The following MYO3A variants were observed in gnomAD, a reference collection of about 807,000 sequenced individuals.
MYO3A encodes myosin-IIIa.
A neutral mutation model predicts 192.7 loss-of-function variants in MYO3A; 180 were observed. That is an observed-to-expected ratio of 0.93 (90% confidence interval 0.83 to 1.06). The LOEUF (loss-of-function observed/expected upper bound fraction) is 1.06, where lower values mean the gene tolerates loss of function less well. Ranked by LOEUF, MYO3A falls within the 50% of genes least tolerant of loss-of-function variation. The pLI is 0.00. For synonymous variants in MYO3A, 628 were observed against 645.3 expected (o/e 0.97, Z 0.41); for missense variants, 1,896 against 1,905.0 (o/e 1.00, Z 0.09).
At chr10:26,041,943 C>T (rs1315916573) in intron 10 of MYO3A, among the ~76,000 whole-genome samples, 1 of 152,090 alleles carries the variant, frequency 6.6e-6, no homozygotes, top group Admixed American at 6.6e-5. Context: ...TTTCTTATTG[C>T]TCATTAAAAT....
chr10:25,947,389 CTTTTTTTTTTTTT>C (rs869281200), intron 2 of MYO3A, among the ~76,000 whole-genome samples: 1 of 91,866 alleles, frequency 1.1e-5, no homozygotes, highest in East Asian at 3.3e-4. Flanking sequence ...TTTTCTTTTT[CTTTTTTTTTTTTT>C]TTTTTTTTGA....
chr10:26,067,016 C>T lies in MYO3A; in HGVS notation c.995C>T (p.Pro332Leu). 6.2e-7 allele frequency: 1 copy of T among 1,613,040 alleles called. No homozygotes were observed. The part of the protein sequence containing the change: ...IHTKKGNFNR[P>L]LISNLKDVDD... ...ACGAAGAAAGGGAACTTCAACCGAC[C>T]TCTAATATCCAATCTGAAGGATGTA... The change falls in exon 11 of 35, where the codon CCT (proline) becomes CTT (leucine). Residue 332 changes from proline to leucine, a missense_variant. Pro to Leu is a moderately conservative substitution (Grantham distance 98). Coordinates refer to ENST00000642920, the MANE Select transcript of MYO3A (RefSeq NM_017433.5).
intron 27 of MYO3A, among the ~76,000 whole-genome samples, chr10:26,167,439 A>G (rs978681555): frequency 1.3e-5 from 2 of 152,176 alleles, no homozygotes; most frequent in Non-Finnish European, 2.9e-5. Flanking sequence ...AAAATGATCA[A>G]TTTTATCAGG....
At chr10:26,135,966 CAAAAAAAA>C (rs55885370) in intron 20 of MYO3A, among the ~76,000 whole-genome samples, 1 of 100,232 alleles carries the variant, frequency 1.0e-5, no homozygotes. Flanking sequence ...AACTCCATCT[CAAAAAAAA>C]AAAAAAAAAA....
chr10:26,070,581 GT>G (rs1234211399), intron 14 of MYO3A, among the ~76,000 whole-genome samples, 180 bp downstream of exon 14: 3 of 152,012 alleles, frequency 2.0e-5, no homozygotes, highest in Middle Eastern at 3.2e-3. Context: ...CATGTACTCT[GT>G]TTTGAGGATT....
chr10:26,055,444 G>A (rs1227714905), intron 10 of MYO3A, among the ~76,000 whole-genome samples: 1 of 152,046 alleles, frequency 6.6e-6, no homozygotes, highest in African/African-American at 2.4e-5. Flanking sequence ...GCTTATTGGA[G>A]CAGAAACATG....
At chr10:26,197,184 C>G (rs947310025) in intron 32 of MYO3A, among the ~76,000 whole-genome samples, 1 of 152,126 alleles carries the variant, frequency 6.6e-6, no homozygotes, top group Admixed American at 6.5e-5. Context: ...ATCTCCCTTA[C>G]AGATTCAGGC....
chr10:26,168,683 G>T, intron 27 of MYO3A, 29 bp from the exon 28 acceptor site: 1 of 1,600,590 alleles, frequency 6.2e-7, no homozygotes, highest in Non-Finnish European at 8.5e-7. Context: ...GTGTGCCATG[G>T]TTCTTTGTAT....
intron 9 of MYO3A, among the ~76,000 whole-genome samples, chr10:26,025,728 C>T (rs1842509472): frequency 6.6e-6 from 1 of 152,194 alleles, no homozygotes. Context: ...TCAAATGCTC[C>T]TCCTGTGCTG....
chr10:26,183,133 C>T (rs1842688625), intron 31 of MYO3A, among the ~76,000 whole-genome samples: 1 of 152,174 alleles, frequency 6.6e-6, no homozygotes, highest in Non-Finnish European at 1.5e-5. Context: ...GGGTCTCACC[C>T]CCCACACAGG....
intron 34 of MYO3A, among the ~76,000 whole-genome samples, chr10:26,208,726 G>C (rs1167279401): frequency 6.6e-6 from 1 of 152,142 alleles, no homozygotes; most frequent in African/African-American, 2.4e-5. Flanking sequence ...GAAAGACCTT[G>C]CCAAAGGTTT....
intron 4 of MYO3A, among the ~76,000 whole-genome samples, chr10:25,961,840 T>C (rs1837949664): frequency 2.0e-5 from 3 of 152,210 alleles, no homozygotes; most frequent in Admixed American, 2.0e-4. Flanking sequence ...TAGTACAACA[T>C]GACTGCTAAT....
At chr10:26,062,515 C>CAAAAA (rs573334201) in intron 10 of MYO3A, among the ~76,000 whole-genome samples, 20 of 42,226 alleles carry the variant, frequency 4.7e-4, no homozygotes, top group Middle Eastern at 0.017. Flanking sequence ...GATGCCATCT[C>CAAAAA]AAAAAAAAAA....
Position 26,072,323 on chromosome 10 carries a change from G to A in MYO3A, c.1359+1922G>A, listed in dbSNP as rs149823212. On this transcript the variant is annotated intron_variant, in intron 14 of 34. Transcript: ENST00000642920. ...ACCAAAACACCAGGGGTTTGGTCTA[G>A]GTCCTGCTACTTGCTGCGCAGGAAG... Among the ~76,000 whole-genome samples the A allele has an allele frequency of 3.4e-3, 521 of 152,256 alleles. 2 individuals are homozygous for A. The highest frequency in any genetic ancestry group is 0.012 in the African/African-American group (495 of 41,558).
chr10:25,992,735 T>G (rs988182236), intron 4 of MYO3A, among the ~76,000 whole-genome samples: 2 of 152,178 alleles, frequency 1.3e-5, no homozygotes, highest in African/African-American at 2.4e-5. Flanking sequence ...TGAATTTTGT[T>G]GAAGGCCTTT....
chr10:25,963,889 C>A (rs1838098471), intron 4 of MYO3A, among the ~76,000 whole-genome samples: 1 of 151,990 alleles, frequency 6.6e-6, no homozygotes, highest in South Asian at 2.1e-4. Flanking sequence ...ATCTTTCTTT[C>A]CTAATTGTAC....
At chr10:25,977,081 C>T (rs1237074674) in intron 4 of MYO3A, among the ~76,000 whole-genome samples, 1 of 152,036 alleles carries the variant, frequency 6.6e-6, no homozygotes, top group African/African-American at 2.4e-5. Context: ...TTGCAAAAGA[C>T]CATATTTGAA....
intron 4 of MYO3A, among the ~76,000 whole-genome samples, chr10:25,987,616 C>T (rs1011287008): frequency 3.9e-5 from 6 of 152,168 alleles, no homozygotes; most frequent in Non-Finnish European, 5.9e-5. Context: ...TTCTCAACAT[C>T]ACTAATTATC....
At chr10:25,994,700 G>A (rs1840304945) in intron 4 of MYO3A, among the ~76,000 whole-genome samples, 1 of 152,160 alleles carries the variant, frequency 6.6e-6, no homozygotes, top group Admixed American at 6.5e-5. Context: ...TTTAGGGAAG[G>A]CCTGGTGGTG....
Sources: gnomAD v4.1 joint callset for allele counts (sites outside exome capture counted in the v4.1 genomes callset) on GRCh38, gnomAD v4.1.1 for gene constraint, MANE v1.5 for transcripts, NCBI Gene and HGNC (gene_info 2026-07-23, HGNC 2026-07-21) for gene names.